Variants in ERCC8 observed in about 807,000 individuals in gnomAD.
ERCC8 encodes ERCC excision repair 8, CSA ubiquitin ligase complex subunit.
ERCC8 carries 52 observed loss-of-function variants against 54.9 expected under a neutral mutation model. The observed-to-expected ratio is 0.95, with a 90% CI of 0.76 to 1.19. The LOEUF is 1.19. ERCC8 is among the 50% of genes most tolerant of loss of function. ERCC8 has a pLI of 0.00. For missense variants in ERCC8, 514 were observed against 466.1 expected (o/e 1.10, Z -0.95); for synonymous variants, 146 against 157.2 (o/e 0.93, Z 0.53).
rs60064294 is a variant in ERCC8 at position 60,909,243 on chromosome 5, G to GAAAAA, written c.400-4375_400-4371dup. Among the ~76,000 whole-genome samples, 38 of 19,944 alleles carry GAAAAA rather than the reference G, an allele frequency of 1.9e-3. 7 individuals carry two copies. Among genetic ancestry groups the GAAAAA allele is most frequent in the African/African-American group, 5.7e-3 (33 of 5,836 alleles). The allele number at this position is 19,944 out of a possible 152,430, so 13.1% of individuals were successfully genotyped here. A position where few individuals can be genotyped will look rare whatever the true frequency, so the allele number is the denominator to read the frequency against. ...AATGCAGACAAAAATGCCCTATTCT[G>GAAAAA]AAAAAAAAAAAAAAAAAAAAAAAAA... On this transcript the variant is annotated intron_variant, in intron 4 of 11. Transcript: ENST00000676185.
Position 60,945,022 on chromosome 5 carries a change from A to ACCCAG in ERCC8, c.-15_-14insCTGGG. On this transcript the variant is annotated 5_prime_UTR_variant, in exon 1 of 12. An upstream open reading frame in the 5' UTR gains an earlier in-frame stop. Coordinates refer to ENST00000676185, the MANE Select transcript of ERCC8 (RefSeq NM_000082.4). ...AAACCCCAGCATATCGTGTCCTCAC[A>ACCCAG]CCGGCTGGAGCACTGGACGTCGCCA... The ACCCAG allele has an allele frequency of 6.2e-7, 1 of 1,611,798 alleles. No individual in the cohort carries two copies. Among genetic ancestry groups the ACCCAG allele is most frequent in the Non-Finnish European group, 8.5e-7 (1 of 1,177,872 alleles).
At chr5:60,879,642 T>G (rs1748138751) in intron 11 of ERCC8, among the ~76,000 whole-genome samples, 1 of 152,228 alleles carries the variant, frequency 6.6e-6, no homozygotes, top group Non-Finnish European at 1.5e-5. Context: ...TCTCTTTTGA[T>G]CTTTGTTGGT....
chr5:60,893,021 C>A, intron 9 of ERCC8: 1 of 782,596 alleles, frequency 1.3e-6, no homozygotes, highest in Non-Finnish European at 2.4e-6. Flanking sequence ...CCACAGTTGG[C>A]AACTCATTCC....
At position 60,874,443 on chromosome 5, in the gene ERCC8, A is replaced by G. The variant is rs1747936510; in HGVS notation, c.*172T>C. The G allele has an allele frequency of 1.6e-6, 1 of 639,582 alleles. No individual in the cohort carries two copies. The highest frequency in any genetic ancestry group is 2.8e-5 in the East Asian group (1 of 35,662). 39.6% of individuals were successfully genotyped at this position (639,582 alleles called of 1,614,324 possible). A position where few individuals can be genotyped will look rare whatever the true frequency, so the allele number is the denominator to read the frequency against. On this transcript the variant is annotated 3_prime_UTR_variant, in exon 12 of 12. Coordinates refer to ENST00000676185, the MANE Select transcript of ERCC8 (RefSeq NM_000082.4). ...CACATTTTGACTAAATAAACTATAC[A>G]GAAGTCTGTTTTAGGATTTTATGCA... is the stretch of plus-strand genomic sequence containing the variant.
chr5:60,889,994 A>T (rs183414394), intron 10 of ERCC8, among the ~76,000 whole-genome samples: 1 of 152,240 alleles, frequency 6.6e-6, no homozygotes, highest in Admixed American at 6.5e-5. Flanking sequence ...GAAGGGGCTG[A>T]GGCTGGAGGT....
intron 4 of ERCC8, among the ~76,000 whole-genome samples, chr5:60,916,690 C>T (rs983910688): frequency 3.9e-5 from 6 of 151,922 alleles, no homozygotes; most frequent in Non-Finnish European, 5.9e-5. Context: ...CAAAAAAACA[C>T]ATCTATTTAG....
At position 60,901,570 on chromosome 5, in the gene ERCC8, C is replaced by G. The variant is rs148964292; in HGVS notation, c.617+872G>C. ...TAAAAACCAAGAGAAGCCGTTAAGT[C>G]TGAGTTTCTTGAGCTTCTCTGCCAA... On this transcript the variant is annotated intron_variant, in intron 7 of 11. Transcript: ENST00000676185. 4.7e-4 allele frequency among the ~76,000 whole-genome samples: 72 copies of G among 152,154 alleles called. No individual in the cohort carries two copies. In the East Asian group the frequency reaches 0.012, roughly 25 times the overall value.
intron 2 of ERCC8, among the ~76,000 whole-genome samples, chr5:60,927,025 A>G (rs1321252444): frequency 3.3e-5 from 5 of 152,152 alleles, no homozygotes; most frequent in African/African-American, 1.2e-4. Flanking sequence ...GTTTTTATAT[A>G]GACAAGAAAA....
At chr5:60,937,453 T>C (rs1207553114) in intron 1 of ERCC8, among the ~76,000 whole-genome samples, 1 of 152,162 alleles carries the variant, frequency 6.6e-6, no homozygotes. Context: ...TCAGATCTCC[T>C]TGGGTGAGGC....
chr5:60,903,403 T>A (rs1294211980), intron 6 of ERCC8: 6 of 507,126 alleles, frequency 1.2e-5, no homozygotes, highest in Non-Finnish European at 1.3e-5. Context: ...CACAAGGTTT[T>A]GAGTTAGAAC....
chr5:60,870,947 G>GT lies in ERCC8; in HGVS notation c.*3667dup, dbSNP rs758046783. Among the ~76,000 whole-genome samples, 2 of 152,124 alleles carry GT rather than the reference G, an allele frequency of 1.3e-5. No individual in the cohort carries two copies. The highest frequency in any genetic ancestry group is 2.9e-5 in the Non-Finnish European group (2 of 68,022). On this transcript the variant is annotated 3_prime_UTR_variant, in exon 12 of 12. Transcript: ENST00000676185. Reference sequence around the variant, plus strand: ...AACCTCAGTTTACAAGCTTCCAGCTGTAACGAATGAATTCCCTACAAAGGG... The same window carrying GT: ...AACCTCAGTTTACAAGCTTCCAGCTGTTAACGAATGAATTCCCTACAAAGGG...
intron 9 of ERCC8, chr5:60,893,457 G>A: frequency 3.1e-6 from 3 of 959,088 alleles, no homozygotes; most frequent in Non-Finnish European, 3.4e-6. Context: ...TCATTGGAGT[G>A]AACAAACTGA....
At chr5:60,938,646 G>A (rs557861893) in intron 1 of ERCC8, among the ~76,000 whole-genome samples, 1 of 152,270 alleles carries the variant, frequency 6.6e-6, no homozygotes, top group Admixed American at 6.5e-5. Flanking sequence ...GAGCCACAGC[G>A]CCCGGCTGAA....
chr5:60,912,670 A>T (rs1749305557), intron 4 of ERCC8, among the ~76,000 whole-genome samples: 1 of 152,086 alleles, frequency 6.6e-6, no homozygotes, highest in Non-Finnish European at 1.5e-5. Flanking sequence ...GTCTTGTGCC[A>T]GTTTTCAAAG....
chr5:60,899,531 A>G (rs1580002514), intron 8 of ERCC8, 96 bp downstream of exon 8: 1 of 867,032 alleles, frequency 1.2e-6, no homozygotes, highest in South Asian at 1.4e-5. Context: ...AAAGTTTGCA[A>G]TTTGTCAATA....
rs1747782434 is a variant in ERCC8 at position 60,867,697 on chromosome 5, G to A, written c.*6918C>T. Among the ~76,000 whole-genome samples, 1 of 152,232 alleles carries A rather than the reference G, an allele frequency of 6.6e-6. No homozygotes were observed. The highest frequency in any genetic ancestry group is 2.4e-5 in the African/African-American group (1 of 41,458). ...AGTGGATGATACCATCATGCAGGGT[G>A]TAGAGAAGCTGGAATTAAGTGTTTG... On this transcript the variant is annotated 3_prime_UTR_variant, in exon 12 of 12. Coordinates refer to ENST00000676185, the MANE Select transcript of ERCC8 (RefSeq NM_000082.4).
chr5:60,878,221 C>T (rs1748079371), intron 11 of ERCC8, among the ~76,000 whole-genome samples: 1 of 152,044 alleles, frequency 6.6e-6, no homozygotes, highest in Admixed American at 6.5e-5. Flanking sequence ...GGGATGAAGC[C>T]CACTTGTTCA....
intron 11 of ERCC8, among the ~76,000 whole-genome samples, chr5:60,879,648 T>G (rs1179081217): frequency 6.6e-6 from 1 of 152,252 alleles, no homozygotes; most frequent in Non-Finnish European, 1.5e-5. Flanking sequence ...TTGATCTTTG[T>G]TGGTTTAAAG....
rs746217955 is a variant in ERCC8 at position 60,890,962 on chromosome 5, G to C, written c.968C>G (p.Ser323Ter). The change falls in exon 10 of 12, where the codon TCA becomes TGA. Residue 323 changes from serine to a stop codon, truncating the protein, a stop_gained. Transcript: ENST00000676185. LOFTEE classifies it high-confidence loss of function. ...GSTIAVYTVY[S>*]GEQITMLKGH... ...CTTAAGCATAGTTATCTGTTCTCCT[G>C]AGTAAACTGTATAAACAGCAATGGT... 1.2e-6 allele frequency: 2 copies of C among 1,613,372 alleles called. No individual in the cohort carries two copies. The highest frequency in any genetic ancestry group is 1.7e-6 in the Non-Finnish European group (2 of 1,179,540).
Sources: allele counts gnomAD v4.1 joint callset (sites outside exome capture counted in the v4.1 genomes callset), GRCh38; gene constraint gnomAD v4.1.1; transcripts MANE v1.5; gene names NCBI Gene and HGNC (gene_info 2026-07-23, HGNC 2026-07-21).